Variants in KIAA2012 observed in about 807,000 individuals in gnomAD.
The protein encoded by KIAA2012 is uncharacterized protein KIAA2012.
Under a neutral mutation model 150.6 loss-of-function variants are expected in KIAA2012, and 125 were observed. The ratio of observed to expected loss-of-function variants is 0.83; its 90% confidence interval spans 0.72 to 0.96. The LOEUF (loss-of-function observed/expected upper bound fraction) is 0.96, where lower values mean the gene tolerates loss of function less well. Among genes scored for constraint, KIAA2012 ranks in the 40% least tolerant of loss-of-function variants. KIAA2012 has a pLI of 0.00. For missense variants in KIAA2012, 1,219 were observed against 1,354.9 expected, an observed-to-expected ratio of 0.90 and a Z score of 1.57; for synonymous variants, 462 against 504.7, an observed-to-expected ratio of 0.92 and a Z score of 1.13.
chr2:202,200,375 G>T (rs1692494027), intron 22 of KIAA2012, among the ~76,000 whole-genome samples: 1 of 152,126 alleles, frequency 6.6e-6, no homozygotes, highest in Non-Finnish European at 1.5e-5. Flanking sequence ...GACCCAAAAG[G>T]CACCCTCCAT....
chr2:202,082,180 T>G (rs1689465103), intron 2 of KIAA2012, among the ~76,000 whole-genome samples: 2 of 152,156 alleles, frequency 1.3e-5, no homozygotes, highest in South Asian at 4.1e-4. Flanking sequence ...TTTGGTTTTT[T>G]GTCATTGAAT....
chr2:202,191,788 A>G (rs866907507), intron 19 of KIAA2012, among the ~76,000 whole-genome samples: 4 of 152,212 alleles, frequency 2.6e-5, no homozygotes, highest in African/African-American at 9.7e-5. Context: ...CTAAGCCACT[A>G]CAATTAAACT....
chr2:202,181,639 A>C (rs1401306976), intron 15 of KIAA2012, among the ~76,000 whole-genome samples: 1 of 152,202 alleles, frequency 6.6e-6, no homozygotes, highest in Non-Finnish European at 1.5e-5. Flanking sequence ...GTAATATAAA[A>C]GTAGATTAAA....
At chr2:202,155,149 C>T (rs187621484) in intron 14 of KIAA2012, among the ~76,000 whole-genome samples, 1 of 152,192 alleles carries the variant, frequency 6.6e-6, no homozygotes, top group East Asian at 1.9e-4. Flanking sequence ...ACTGTTTTAC[C>T]ACTGTCACTT....
chr2:202,128,794 A>G (rs1690857260), intron 12 of KIAA2012, among the ~76,000 whole-genome samples: 1 of 151,526 alleles, frequency 6.6e-6, no homozygotes, highest in Non-Finnish European at 1.5e-5. Context: ...CATTCCACAT[A>G]TAAGCATAGG....
At chr2:202,091,568 T>A (rs1689723244) in intron 3 of KIAA2012, among the ~76,000 whole-genome samples, 1 of 152,160 alleles carries the variant, frequency 6.6e-6, no homozygotes, top group Non-Finnish European at 1.5e-5. Flanking sequence ...GGTTGGGGAT[T>A]AGAGTTGCCA....
At chr2:202,106,728 T>G (rs1329894289) in intron 9 of KIAA2012, among the ~76,000 whole-genome samples, 2 of 152,048 alleles carry the variant, frequency 1.3e-5, no homozygotes, top group African/African-American at 4.8e-5. Context: ...TCCATAATAT[T>G]GATAAAAGTC....
chr2:202,100,492 A>G, intron 7 of KIAA2012, 43 bp downstream of exon 7: 2 of 1,493,640 alleles, frequency 1.3e-6, no homozygotes, highest in Non-Finnish European at 1.8e-6. Flanking sequence ...AGAGAGAGAG[A>G]GGAGGGAAGA....
At chr2:202,105,734 C>T in intron 8 of KIAA2012, 27 bp from the exon 9 acceptor site, 3 of 1,546,190 alleles carry the variant, frequency 1.9e-6, no homozygotes, top group Non-Finnish European at 2.6e-6. Flanking sequence ...ACCTCTGCTA[C>T]AATTCAGCCT....
At position 202,165,327 on chromosome 2, in the gene KIAA2012, C is replaced by T. The variant is rs1691734234; in HGVS notation, c.2090C>T (p.Pro697Leu). 1 of 1,550,274 alleles carries T rather than the reference C, an allele frequency of 6.5e-7. No individual in the cohort carries two copies. Among genetic ancestry groups the T allele is most frequent in the African/African-American group, 1.4e-5 (1 of 73,124 alleles). Residue 697 changes from proline (P) to leucine (L), a missense_variant, in exon 15 of 24, where the codon CCC (proline) becomes CTC (leucine). Pro to Leu is a moderately conservative substitution (Grantham distance 98, BLOSUM62 -3). Coordinates refer to ENST00000498697, the MANE Select transcript of KIAA2012 (RefSeq NM_001277372.4). ...ALDYQEEAGR[P>L]LRETHHNDQD... ...GACTATCAGGAAGAAGCAGGGAGAC[C>T]CCTCAGAGAAACTCACCACAACGAC...
At chr2:202,196,424 T>A (rs960971253) in intron 21 of KIAA2012, among the ~76,000 whole-genome samples, 1 of 151,718 alleles carries the variant, frequency 6.6e-6, no homozygotes, top group Admixed American at 6.6e-5. Context: ...CTCAATCTCC[T>A]GACCTCGTGA....
chr2:202,190,069 C>T lies in KIAA2012; in HGVS notation c.2492-105C>T, dbSNP rs1692297341. The T allele has an allele frequency of 3.3e-6, 3 of 904,218 alleles. No homozygotes were observed. In the East Asian group the frequency reaches 8.6e-5, roughly 26 times the overall value. 56.0% of individuals were successfully genotyped at this position (904,218 alleles called of 1,614,324 possible). A position where few individuals can be genotyped will look rare whatever the true frequency, so the allele number is the denominator to read the frequency against. On this transcript the variant is annotated intron_variant, in intron 18 of 23. Coordinates refer to ENST00000498697, the MANE Select transcript of KIAA2012 (RefSeq NM_001277372.4). ...TGCCACTGCTCTCCAGCTTGGGTGA[C>T]AGAGCAAGACCCTGTCTCAAAAAAA... is the stretch of plus-strand genomic sequence containing the variant.
Position 202,190,395 on chromosome 2 carries a change from C to T in KIAA2012, c.2713C>T (p.Gln905Ter). 6.4e-7 allele frequency: 1 copy of T among 1,550,584 alleles called. No homozygotes were observed. Among genetic ancestry groups the T allele is most frequent in the Non-Finnish European group, 8.7e-7 (1 of 1,146,964 alleles). The change falls in exon 19 of 24, where the codon CAA becomes TAA. Residue 905 changes from glutamine to a stop codon, truncating the protein, a stop_gained. Transcript: ENST00000498697. LOFTEE classifies it high-confidence loss of function. ...LSPKYDAQES[Q>*]VSLDGRSSPS... ...TCCCAAATATGATGCCCAGGAAAGCCAAGTTTCTCTAGATGGAAGATCATC... is the reference window on the plus strand; with the variant it reads ...TCCCAAATATGATGCCCAGGAAAGCTAAGTTTCTCTAGATGGAAGATCATC...
chr2:202,108,365 G>C (rs1690253548), intron 9 of KIAA2012, among the ~76,000 whole-genome samples: 1 of 152,146 alleles, frequency 6.6e-6, no homozygotes. Context: ...GCAAACACTG[G>C]TGTAATAGTA....
intron 14 of KIAA2012, among the ~76,000 whole-genome samples, chr2:202,157,466 G>C (rs1448821712): frequency 6.6e-6 from 1 of 152,160 alleles, no homozygotes; most frequent in African/African-American, 2.4e-5. Context: ...CAGGGGATGA[G>C]GGTAGGTGAT....
chr2:202,091,969 T>G (rs950660896), intron 3 of KIAA2012, among the ~76,000 whole-genome samples: 1 of 152,218 alleles, frequency 6.6e-6, no homozygotes, highest in Non-Finnish European at 1.5e-5. Context: ...TCCACAGTTA[T>G]AGGCAGTTCC....
rs1692372532 is a variant in KIAA2012, at chr2:202,194,310, G to C, written c.3135G>C (p.Arg1045Ser). Residue 1045 changes from arginine to serine, a missense_variant, in exon 21 of 24, where the codon AGG becomes AGC. Transcript: ENST00000498697. ...GGCAACAGCAAGAGGAGTTTCGGAG[G>C]AAACTGCGAGAACTACAGAGAAAAA... ...RARQQQEEFR[R>S]KLRELQRKKQ... The C allele has an allele frequency of 1.3e-6, 2 of 1,550,532 alleles. No homozygotes were observed. The highest frequency in any genetic ancestry group is 1.7e-6 in the Non-Finnish European group (2 of 1,146,998).
At chr2:202,108,979 G>T (rs969714832) in intron 9 of KIAA2012, among the ~76,000 whole-genome samples, 1 of 152,176 alleles carries the variant, frequency 6.6e-6, no homozygotes, top group African/African-American at 2.4e-5. Context: ...AGCAGGCCCT[G>T]TTGCTGTTGA....
chr2:202,098,363 A>AAAAT (rs553861701), intron 5 of KIAA2012, among the ~76,000 whole-genome samples: 9 of 152,300 alleles, frequency 5.9e-5, no homozygotes, highest in African/African-American at 9.6e-5. Context: ...CTGCCTCTAA[A>AAAAT]AAATAAATAA....
Sources: allele counts gnomAD v4.1 joint callset (sites outside exome capture counted in the v4.1 genomes callset), GRCh38; gene constraint gnomAD v4.1.1; transcripts MANE v1.5; gene names NCBI Gene and HGNC (gene_info 2026-07-23, HGNC 2026-07-21).